The following PDE3A variants were observed in gnomAD, a reference collection of about 807,000 sequenced individuals.
PDE3A encodes the protein cGMP-inhibited 3',5'-cyclic phosphodiesterase 3A.
In PDE3A, 43 loss-of-function variants were observed where a neutral mutation model predicts 98.3. The ratio of observed to expected loss-of-function variants is 0.44; its 90% CI spans 0.34 to 0.56. The LOEUF is 0.56. Ranked by LOEUF, PDE3A falls within the 20% of genes least tolerant of loss-of-function variation. PDE3A has a pLI of 0.01. For synonymous variants in PDE3A, 663 were observed against 567.9 expected (o/e 1.17, Z -2.38); for missense variants, 1,427 against 1,440.7 (o/e 0.99, Z 0.15).
chr12:20,650,281 A>G (rs1944886695), intron 13 of PDE3A, among the ~76,000 whole-genome samples, 164 bp from the exon 14 acceptor site: 1 of 152,170 alleles, frequency 6.6e-6, no homozygotes, highest in African/African-American at 2.4e-5. Flanking sequence ...TTTACCATTA[A>G]TTTACACAGC....
At chr12:20,524,237 G>C (rs368003239) in intron 1 of PDE3A, among the ~76,000 whole-genome samples, 3 of 152,194 alleles carry the variant, frequency 2.0e-5, no homozygotes, top group Admixed American at 2.0e-4. Flanking sequence ...ACAAGTTTTC[G>C]TAGCAGTTGC....
At chr12:20,478,714 A>C (rs940295631) in intron 1 of PDE3A, among the ~76,000 whole-genome samples, 1 of 152,208 alleles carries the variant, frequency 6.6e-6, no homozygotes, top group East Asian at 1.9e-4. Context: ...TCCTTTTCAT[A>C]ATCAGGACAA....
At chr12:20,512,980 G>A (rs1169422604) in intron 1 of PDE3A, among the ~76,000 whole-genome samples, 1 of 152,088 alleles carries the variant, frequency 6.6e-6, no homozygotes, top group Non-Finnish European at 1.5e-5. Flanking sequence ...CTTCCTATGA[G>A]TAAATGTATT....
At chr12:20,411,677 A>ATACG (rs1944335531) in intron 1 of PDE3A, among the ~76,000 whole-genome samples, 2 of 151,776 alleles carry the variant, frequency 1.3e-5, no homozygotes, top group African/African-American at 4.8e-5. Flanking sequence ...CTTTATATAC[A>ATACG]TGGCTTTCTT....
At chr12:20,607,604 C>A (rs1943744404) in intron 2 of PDE3A, among the ~76,000 whole-genome samples, 1 of 151,836 alleles carries the variant, frequency 6.6e-6, no homozygotes, top group Non-Finnish European at 1.5e-5. Flanking sequence ...AATTTGGTTG[C>A]CATTTAAATA....
intron 15 of PDE3A, among the ~76,000 whole-genome samples, chr12:20,665,628 TAGAC>T (rs571616918): frequency 2.6e-5 from 4 of 152,140 alleles, no homozygotes; most frequent in Admixed American, 6.6e-5. Context: ...TTCAGATTAA[TAGAC>T]AGAAGCAAAT....
chr12:20,407,369 T>C (rs1444634), intron 1 of PDE3A, among the ~76,000 whole-genome samples: 96,444 of 152,168 alleles, frequency 0.63, 31,936 homozygotes, highest in East Asian at 0.88. Flanking sequence ...TGAAAAACTT[T>C]TTTTAAAAAA....
chr12:20,488,076 A>G (rs1945762229), intron 1 of PDE3A, among the ~76,000 whole-genome samples: 2 of 152,194 alleles, frequency 1.3e-5, no homozygotes, highest in Admixed American at 6.5e-5. Flanking sequence ...TGAAATGCAC[A>G]ACACTTAAAA....
intron 1 of PDE3A, among the ~76,000 whole-genome samples, chr12:20,431,814 A>C (rs1944703595): frequency 6.6e-6 from 1 of 152,204 alleles, no homozygotes; most frequent in Non-Finnish European, 1.5e-5. Flanking sequence ...ATTGTGTATA[A>C]ACCTTTTGAA....
chr12:20,417,819 A>G (rs1678172523), intron 1 of PDE3A, among the ~76,000 whole-genome samples: 1 of 152,220 alleles, frequency 6.6e-6, no homozygotes, highest in Non-Finnish European at 1.5e-5. Flanking sequence ...TACTTAGATA[A>G]TCTCTGAGTT....
At chr12:20,650,882 GT>G (rs999505211) in intron 14 of PDE3A, among the ~76,000 whole-genome samples, 6 of 151,994 alleles carry the variant, frequency 3.9e-5, no homozygotes, top group Non-Finnish European at 7.4e-5. Context: ...TTGAAATACT[GT>G]TTTTTTATAG....
At chr12:20,425,983 G>A (rs539089550) in intron 1 of PDE3A, among the ~76,000 whole-genome samples, 32 of 152,144 alleles carry the variant, frequency 2.1e-4, no homozygotes, top group Non-Finnish European at 4.4e-4. Context: ...TACAGATTAC[G>A]TTAATTACTA....
chr12:20,386,243 A>G (rs1329790145), intron 1 of PDE3A, among the ~76,000 whole-genome samples: 1 of 131,106 alleles, frequency 7.6e-6, no homozygotes, highest in South Asian at 2.2e-4. Context: ...TATAAATATA[A>G]ATATATTAAT....
chr12:20,602,234 C>A (rs890667926), intron 2 of PDE3A, among the ~76,000 whole-genome samples: 2 of 152,178 alleles, frequency 1.3e-5, no homozygotes, highest in Non-Finnish European at 2.9e-5. Flanking sequence ...GCTACATCAT[C>A]TTTTCTAATT....
At chr12:20,544,732 A>G (rs1000123945) in intron 1 of PDE3A, among the ~76,000 whole-genome samples, 1 of 151,438 alleles carries the variant, frequency 6.6e-6, no homozygotes, top group Admixed American at 6.6e-5. Flanking sequence ...TCCTCTCTTA[A>G]CTCATTTCCA....
At chr12:20,531,840 C>T (rs1941607650) in intron 1 of PDE3A, among the ~76,000 whole-genome samples, 1 of 152,054 alleles carries the variant, frequency 6.6e-6, no homozygotes, top group Non-Finnish European at 1.5e-5. Context: ...TTGGAATTAT[C>T]AGAGGATTTA....
chr12:20,475,257 C>G (rs1483236984), intron 1 of PDE3A, among the ~76,000 whole-genome samples: 2 of 150,180 alleles, frequency 1.3e-5, no homozygotes, highest in African/African-American at 2.4e-5. Flanking sequence ...CCTCTCTTTC[C>G]TCCCATGTTA....
chr12:20,546,800 A>G (rs1425533062), intron 1 of PDE3A, among the ~76,000 whole-genome samples: 7 of 152,060 alleles, frequency 4.6e-5, no homozygotes, highest in African/African-American at 7.2e-5. Context: ...CATGTGGTGC[A>G]TATTCTATAA....
At chr12:20,453,361 G>A (rs1304607484) in intron 1 of PDE3A, among the ~76,000 whole-genome samples, 1 of 151,790 alleles carries the variant, frequency 6.6e-6, no homozygotes, top group Non-Finnish European at 1.5e-5. Flanking sequence ...TGTGTTTTTA[G>A]TGGAGATGGG....
Sources: allele counts gnomAD v4.1 joint callset (sites outside exome capture counted in the v4.1 genomes callset), GRCh38; gene constraint gnomAD v4.1.1; transcripts MANE v1.5; gene names NCBI Gene and HGNC (gene_info 2026-07-23, HGNC 2026-07-21).